ARL13B: variants seen among roughly 807,000 people sequenced by gnomAD.
ARL13B encodes the protein ARF like GTPase 13B.
Under a neutral mutation model 56.1 loss-of-function variants are expected in ARL13B, and 36 were observed. That is an observed-to-expected ratio of 0.64 (90% CI 0.49 to 0.85). The LOEUF is 0.85. Among genes scored for constraint, ARL13B ranks in the 40% least tolerant of loss-of-function variants. ARL13B has a pLI of 0.00. For missense variants in ARL13B, 519 were observed against 507.1 expected (o/e 1.02, Z -0.23); for synonymous variants, 178 against 171.1 (o/e 1.04, Z -0.32).
intron 1 of ARL13B, among the ~76,000 whole-genome samples, chr3:93,986,825 C>G (rs1710487685): frequency 6.6e-6 from 1 of 151,960 alleles, no homozygotes; most frequent in South Asian, 2.1e-4. Flanking sequence ...AAAAAATTAG[C>G]CAGGCATGGT....
chr3:93,984,942 G>C (rs1575921744), intron 1 of ARL13B, among the ~76,000 whole-genome samples: 1 of 152,138 alleles, frequency 6.6e-6, no homozygotes, highest in African/African-American at 2.4e-5. Context: ...CCCAAGAGGT[G>C]GAGGCTGCAG....
At chr3:94,030,776 T>G (rs1033858989) in intron 3 of ARL13B, among the ~76,000 whole-genome samples, 1 of 152,170 alleles carries the variant, frequency 6.6e-6, no homozygotes, top group Non-Finnish European at 1.5e-5. Flanking sequence ...GTCTTAATAT[T>G]TAGTAATCAT....
At chr3:94,036,120 A>G (rs1433418684) in intron 4 of ARL13B, among the ~76,000 whole-genome samples, 1 of 152,198 alleles carries the variant, frequency 6.6e-6, no homozygotes, top group Non-Finnish European at 1.5e-5. Context: ...GAGATGTCAT[A>G]CAGTCTTAAG....
intron 6 of ARL13B, among the ~76,000 whole-genome samples, chr3:94,040,664 A>G (rs1192695497): frequency 6.8e-6 from 1 of 146,430 alleles, no homozygotes; most frequent in Non-Finnish European, 1.5e-5. Context: ...CCTTAGGCTG[A>G]CTTCCTGGTC....
intron 1 of ARL13B, among the ~76,000 whole-genome samples, chr3:93,995,513 T>G (rs2075951665): frequency 6.6e-6 from 1 of 152,190 alleles, no homozygotes. Flanking sequence ...GTGATATTTG[T>G]TAGCTTTCAA....
chr3:94,050,679 G>T, intron 8 of ARL13B, 145 bp from the exon 9 acceptor site: 1 of 669,742 alleles, frequency 1.5e-6, no homozygotes, highest in East Asian at 2.8e-5. Flanking sequence ...TTTAAAATGG[G>T]TTTCTGGCTT....
chr3:94,043,039 A>G lies in ARL13B; in HGVS notation c.823A>G (p.Lys275Glu), dbSNP rs749623874. 10 of 1,609,700 alleles carry G rather than the reference A, an allele frequency of 6.2e-6. No individual in the cohort carries two copies. The highest frequency in any genetic ancestry group is 5.6e-5 in the South Asian group (5 of 89,880). Residue 275 changes from lysine to glutamate, a missense_variant, in exon 7 of 10, where the codon AAA becomes GAA. By Grantham distance (56) the Lys-to-Glu change is moderately conservative (BLOSUM62 1). Coordinates refer to ENST00000394222, the MANE Select transcript of ARL13B (RefSeq NM_001174150.2). ...GAATGAAGGAAAACTTGAAAGAGAG[A>G]AAAAAAACCAAAAAATGGAGAAAGA... ...IENEGKLEREKKNQKMEKDSD... is the reference protein window; with the variant it reads ...IENEGKLEREEKNQKMEKDSD...
intron 3 of ARL13B, among the ~76,000 whole-genome samples, chr3:94,004,657 T>C (rs2076104497): frequency 6.6e-6 from 1 of 151,716 alleles, no homozygotes; most frequent in Non-Finnish European, 1.5e-5. Context: ...CAACCTGTCA[T>C]GTGGTTAGAT....
chr3:94,024,911 A>G (rs939924268), intron 3 of ARL13B, among the ~76,000 whole-genome samples: 1 of 152,214 alleles, frequency 6.6e-6, no homozygotes, highest in Non-Finnish European at 1.5e-5. Context: ...AATTAGAAAT[A>G]AAGTAATCAA....
chr3:94,039,818 T>C, intron 5 of ARL13B, 62 bp from the exon 6 acceptor site: 2 of 1,450,570 alleles, frequency 1.4e-6, no homozygotes, highest in East Asian at 4.6e-5. Context: ...TATTGCAGTT[T>C]TCTTTAACAT....
intron 7 of ARL13B, 78 bp downstream of exon 7, chr3:94,043,318 T>G: frequency 7.6e-7 from 1 of 1,308,308 alleles, no homozygotes; most frequent in South Asian, 1.4e-5. Context: ...TTTTTTATGT[T>G]TGTTTTTACA....
chr3:94,014,287 A>T (rs1428206845), intron 3 of ARL13B: 5 of 1,013,386 alleles, frequency 4.9e-6, no homozygotes, highest in African/African-American at 4.9e-5. Flanking sequence ...GATGAAAGGT[A>T]TGTGAGTGGA....
At chr3:94,038,772 C>T (rs1225670192) in intron 5 of ARL13B, among the ~76,000 whole-genome samples, 4 of 152,010 alleles carry the variant, frequency 2.6e-5, no homozygotes, top group Non-Finnish European at 4.4e-5. Context: ...CCACCCGCCT[C>T]GGCCTCCCAA....
chr3:93,990,235 T>C (rs2075847553), intron 1 of ARL13B, among the ~76,000 whole-genome samples: 1 of 152,134 alleles, frequency 6.6e-6, no homozygotes. Context: ...CTCAAATTCC[T>C]GACCTCAAGT....
intron 3 of ARL13B, among the ~76,000 whole-genome samples, chr3:94,020,727 G>T (rs1320748499): frequency 6.6e-6 from 1 of 152,092 alleles, no homozygotes; most frequent in East Asian, 1.9e-4. Context: ...AAGTACCGGT[G>T]GGAAACATTT....
At position 94,009,106 on chromosome 3, in the gene ARL13B, T is replaced by TAGAC. The variant is rs2076181098; in HGVS notation, c.380+5201_380+5202insCAGA. Among the ~76,000 whole-genome samples the TAGAC allele has an allele frequency of 3.9e-5, 6 of 151,922 alleles. No homozygotes were observed. In the South Asian group the frequency reaches 1.2e-3, roughly 32 times the overall value. On this transcript the variant is annotated intron_variant, in intron 3 of 9. Coordinates refer to ENST00000394222, the MANE Select transcript of ARL13B (RefSeq NM_001174150.2). ...ATAGATAGATAGATAGATAGATAGA[T>TAGAC]AGATAGATAGATAGATATTCTTGAC...
chr3:93,993,984 A>G (rs2075921814), intron 1 of ARL13B, among the ~76,000 whole-genome samples: 1 of 152,186 alleles, frequency 6.6e-6, no homozygotes, highest in Non-Finnish European at 1.5e-5. Context: ...GCACTGAGTC[A>G]AGTATAGACA....
intron 3 of ARL13B, chr3:94,015,366 A>C (rs1316966418): frequency 2.0e-6 from 2 of 1,020,276 alleles, no homozygotes; most frequent in East Asian, 5.2e-5. Context: ...AACTGTCTAT[A>C]TCCCAGCAAA....
chr3:93,983,273 G>C (rs1710302331), intron 1 of ARL13B, among the ~76,000 whole-genome samples: 1 of 152,168 alleles, frequency 6.6e-6, no homozygotes, highest in Non-Finnish European at 1.5e-5. Flanking sequence ...GAGATCAAGT[G>C]TTAAGGCACC....
Sources: gnomAD v4.1 joint callset for allele counts (sites outside exome capture counted in the v4.1 genomes callset) on GRCh38, gnomAD v4.1.1 for gene constraint, MANE v1.5 for transcripts, NCBI Gene and HGNC (gene_info 2026-07-23, HGNC 2026-07-21) for gene names.